The following MAGI1 variants were observed in gnomAD, a reference collection of about 807,000 sequenced individuals.
MAGI1 encodes membrane associated guanylate kinase, WW and PDZ domain containing 1, also known as membrane-associated guanylate kinase, WW and PDZ domain-containing protein 1.
MAGI1 carries 58 observed loss-of-function variants against 139.9 expected under a neutral mutation model. That is an observed-to-expected ratio of 0.41 (90% CI 0.34 to 0.52). The LOEUF (loss-of-function observed/expected upper bound fraction) is 0.52. MAGI1 is among the 20% of genes least tolerant of loss of function. MAGI1 has a pLI of 0.12. For missense variants in MAGI1, 1,874 were observed against 1,901.6 expected, an observed-to-expected ratio of 0.99 and a Z score of 0.27; for synonymous variants, 812 against 737.9, an observed-to-expected ratio of 1.10 and a Z score of -1.63.
In MAGI1 at chr3:65,356,203, T is replaced by C; in HGVS notation, c.*175A>G. 1.7e-6 allele frequency: 1 copy of C among 592,010 alleles called. No homozygotes were observed. Among genetic ancestry groups the C allele is most frequent in the South Asian group, 3.4e-5 (1 of 29,158 alleles). The allele number at this position is 592,010 out of a possible 1,614,324, so 36.7% of individuals were successfully genotyped here. On this transcript the variant is annotated 3_prime_UTR_variant, in exon 23 of 23. Transcript: ENST00000402939. ...CTTTAATATGATACATCAGGCACAA[T>C]ACTTTTCATATATATTTTTTCTTAT...
At chr3:65,736,595 A>G (rs1412973395) in intron 1 of MAGI1, among the ~76,000 whole-genome samples, 1 of 152,138 alleles carries the variant, frequency 6.6e-6, no homozygotes, top group Non-Finnish European at 1.5e-5. Flanking sequence ...ACTGGTATAA[A>G]TCCTCCAGAG....
intron 1 of MAGI1, among the ~76,000 whole-genome samples, chr3:65,827,867 T>G (rs1345473017): frequency 6.6e-6 from 1 of 152,198 alleles, no homozygotes; most frequent in African/African-American, 2.4e-5. Flanking sequence ...ATTATTCTAA[T>G]TGCCTGCAGC....
At chr3:65,607,036 A>G (rs1254188866) in intron 2 of MAGI1, among the ~76,000 whole-genome samples, 1 of 152,100 alleles carries the variant, frequency 6.6e-6, no homozygotes, top group Non-Finnish European at 1.5e-5. Flanking sequence ...GCAAGCTCCA[A>G]TAACTGCCTA....
chr3:66,015,244 A>T (rs1398400155), intron 1 of MAGI1, among the ~76,000 whole-genome samples: 2 of 152,136 alleles, frequency 1.3e-5, no homozygotes, highest in Non-Finnish European at 2.9e-5. Flanking sequence ...CACACGTACT[A>T]ATTGATAAAT....
chr3:65,519,395 A>T lies in MAGI1; in HGVS notation c.431-25764T>A, dbSNP rs1027287888. ...ACACACACACACACACATATATATAATTTTTTTTTGGATGGAGTCTTGCTC... is the reference window on the plus strand; with the variant it reads ...ACACACACACACACACATATATATATTTTTTTTTTGGATGGAGTCTTGCTC... On this transcript the variant is annotated intron_variant, in intron 2 of 22. Transcript: ENST00000402939. 1.4e-4 allele frequency among the ~76,000 whole-genome samples: 20 copies of T among 145,412 alleles called. No homozygotes were observed. The East Asian group carries it at 3.7e-3, about 27-fold the overall frequency.
chr3:65,919,388 C>A (rs898460291), intron 1 of MAGI1, among the ~76,000 whole-genome samples: 1 of 151,664 alleles, frequency 6.6e-6, no homozygotes, highest in African/African-American at 2.4e-5. Context: ...CACAGGGAGA[C>A]CCCATCTCTA....
intron 1 of MAGI1, among the ~76,000 whole-genome samples, chr3:65,736,125 G>T (rs543147690): frequency 6.6e-6 from 1 of 152,322 alleles, no homozygotes; most frequent in East Asian, 1.9e-4. Flanking sequence ...GAGAGCCGAA[G>T]GTTCATTCTC....
At chr3:65,427,587 G>C (rs1046854747) in intron 12 of MAGI1, among the ~76,000 whole-genome samples, 2 of 152,298 alleles carry the variant, frequency 1.3e-5, no homozygotes, top group Non-Finnish European at 2.9e-5. Context: ...GATGTACCAA[G>C]AATTATTTGA....
At chr3:65,577,355 C>A (rs62253366) in intron 2 of MAGI1, among the ~76,000 whole-genome samples, 55,199 of 152,008 alleles carry the variant, frequency 0.36, 11,344 homozygotes, top group East Asian at 0.61. Flanking sequence ...TAAACAAAGG[C>A]AAAATCAGAG....
intron 3 of MAGI1, among the ~76,000 whole-genome samples, chr3:65,480,960 G>C (rs1175789723): frequency 6.6e-6 from 1 of 152,064 alleles, no homozygotes; most frequent in Non-Finnish European, 1.5e-5. Flanking sequence ...AAAATTTATA[G>C]AGATACACAC....
rs559073172 is a variant in MAGI1, at chr3:65,725,546, C to T, written c.314-103458G>A. Among the ~76,000 whole-genome samples, 5 of 152,176 alleles carry T rather than the reference C, an allele frequency of 3.3e-5. No individual in the cohort carries two copies. The South Asian group carries it at 1.0e-3, about 32-fold the overall frequency. ...CTGCCAAACCCTGGTGGCTGGGGCT[C>T]GACAACTTGGTCACTGAGAAACTAA... On this transcript the variant is annotated intron_variant, in intron 1 of 22. Coordinates refer to ENST00000402939, the MANE Select transcript of MAGI1 (RefSeq NM_001033057.2).
At chr3:65,484,197 G>C (rs1951471239) in intron 3 of MAGI1, among the ~76,000 whole-genome samples, 1 of 152,162 alleles carries the variant, frequency 6.6e-6, no homozygotes, top group African/African-American at 2.4e-5. Flanking sequence ...TGTTTGTGTA[G>C]CAAAGCCATT....
At chr3:65,807,234 G>C (rs908772671) in intron 1 of MAGI1, among the ~76,000 whole-genome samples, 4 of 152,200 alleles carry the variant, frequency 2.6e-5, no homozygotes, top group African/African-American at 9.7e-5. Context: ...ACTTCTCCCA[G>C]TTCTGGAGGC....
chr3:65,855,434 AAAAAT>A (rs886826507), intron 1 of MAGI1, among the ~76,000 whole-genome samples: 2 of 150,070 alleles, frequency 1.3e-5, no homozygotes, highest in Non-Finnish European at 3.0e-5. Context: ...AAGTAACTTT[AAAAAT>A]AAAATAAAAT....
chr3:65,402,680 G>A (rs939276963), intron 12 of MAGI1, among the ~76,000 whole-genome samples: 12 of 152,118 alleles, frequency 7.9e-5, no homozygotes, highest in African/African-American at 2.9e-4. Flanking sequence ...GTCAAACCAT[G>A]AGCCATGCTG....
intron 2 of MAGI1, among the ~76,000 whole-genome samples, chr3:65,497,420 A>G (rs1319645218): frequency 1.3e-5 from 2 of 152,164 alleles, no homozygotes; most frequent in Non-Finnish European, 2.9e-5. Context: ...AGCTACCTCT[A>G]AAACACAAAC....
At chr3:65,635,864 G>A (rs1413137238) in intron 1 of MAGI1, among the ~76,000 whole-genome samples, 1 of 152,222 alleles carries the variant, frequency 6.6e-6, no homozygotes, top group East Asian at 1.9e-4. Context: ...CAGAGTTCTA[G>A]GTGCTCTGAC....
chr3:65,603,602 C>G (rs2082584863), intron 2 of MAGI1, among the ~76,000 whole-genome samples: 1 of 152,200 alleles, frequency 6.6e-6, no homozygotes, highest in African/African-American at 2.4e-5. Flanking sequence ...CCCTAAGAAA[C>G]TGAAAAGCCT....
chr3:65,946,428 C>A (rs908026098), intron 1 of MAGI1, among the ~76,000 whole-genome samples: 1 of 152,146 alleles, frequency 6.6e-6, no homozygotes, highest in Non-Finnish European at 1.5e-5. Flanking sequence ...ACTTTGCTTA[C>A]ATCCTGTTTT....
Sources: allele counts gnomAD v4.1 joint callset (sites outside exome capture counted in the v4.1 genomes callset), GRCh38; gene constraint gnomAD v4.1.1; transcripts MANE v1.5; gene names NCBI Gene and HGNC (gene_info 2026-07-23, HGNC 2026-07-21).